Variants in MYOCOS observed in about 807,000 individuals in gnomAD.
MYOCOS encodes the protein myocilin opposite strand, also known as myocilin opposite strand protein.
At chr1:171,612,216 T>C (rs1343246681) in intron 1 of MYOCOS, among the ~76,000 whole-genome samples, 1 of 151,988 alleles carries the variant, frequency 6.6e-6, no homozygotes, top group Non-Finnish European at 1.5e-5. Flanking sequence ...GTAGCTGGGG[T>C]TACAGGCATC....
In MYOCOS at chr1:171,626,548, A is replaced by G. The variant is rs898853872; in HGVS notation, c.190A>G (p.Thr64Ala). 5.0e-6 allele frequency: 2 copies of G among 398,326 alleles called. No individual in the cohort carries two copies. Among genetic ancestry groups the G allele is most frequent in the Non-Finnish European group, 8.9e-6 (2 of 225,886 alleles). The allele number at this position is 398,326 out of a possible 1,614,324, so 24.7% of individuals were successfully genotyped here. A position where few individuals can be genotyped will look rare whatever the true frequency, so the allele number is the denominator to read the frequency against. Reference protein sequence around the residue: ...QAPPPHRTYLTVPPAPPPSPA... With the variant: ...QAPPPHRTYLAVPPAPPPSPA... The stretch of plus-strand genomic sequence containing the variant: ...CCCTCCCCCTCACAGGACCTACCTC[A>G]CAGTACCTCCTGCCCCACCTCCTTC... Residue 64 changes from threonine to alanine, a missense_variant, in exon 3 of 3, where the codon ACA (threonine) becomes GCA (alanine). Coordinates refer to ENST00000637642, the MANE Select transcript of MYOCOS (RefSeq NM_001391940.1).
chr1:171,621,031 G>A (rs983059275), upstream of MYOCOS, among the ~76,000 whole-genome samples: 5 of 151,964 alleles, frequency 3.3e-5, no homozygotes, highest in African/African-American at 1.2e-4. Flanking sequence ...GCCTCCCAAA[G>A]TGCTGGGATT....
intron 1 of MYOCOS, 120 bp from the exon 2 acceptor site, chr1:171,623,721 G>A (rs1652620769): frequency 3.5e-5 from 14 of 396,406 alleles, no homozygotes; most frequent in Non-Finnish European, 6.2e-5. Flanking sequence ...CAGGCTGTAG[G>A]GAGGACCAAC....
chr1:171,611,453 G>T (rs1540328), intron 1 of MYOCOS, among the ~76,000 whole-genome samples: 2 of 151,892 alleles, frequency 1.3e-5, no homozygotes, highest in African/African-American at 4.8e-5. Flanking sequence ...ATTTCAAGTA[G>T]TTCTATTACT....
intron 1 of MYOCOS, among the ~76,000 whole-genome samples, chr1:171,606,808 G>A (rs555464173): frequency 6.6e-6 from 1 of 152,170 alleles, no homozygotes; most frequent in East Asian, 1.9e-4. Context: ...GGTTTTCTCT[G>A]CGGCTTGTCC....
intron 1 of MYOCOS, among the ~76,000 whole-genome samples, chr1:171,605,118 C>T (rs981318111): frequency 2.0e-5 from 3 of 151,428 alleles, no homozygotes; most frequent in South Asian, 4.2e-4. Flanking sequence ...GAGCATGTAG[C>T]CCAGTCTCTA....
At chr1:171,616,817 G>A (rs1652457943) in intron 2 of MYOCOS, among the ~76,000 whole-genome samples, 1 of 152,190 alleles carries the variant, frequency 6.6e-6, no homozygotes, top group Non-Finnish European at 1.5e-5. Flanking sequence ...TAAACATCCA[G>A]AGCGACTCAG....
At chr1:171,620,773 C>CTT (rs34455235), upstream of MYOCOS, among the ~76,000 whole-genome samples, 46,276 of 126,992 alleles carry the variant, frequency 0.36, 9,080 homozygotes, top group South Asian at 0.42. Context: ...CTTTTTCTTT[C>CTT]TTTTTTTTTT....
intron 1 of MYOCOS, among the ~76,000 whole-genome samples, chr1:171,623,085 T>G (rs1198677070): frequency 6.6e-6 from 1 of 151,948 alleles, no homozygotes; most frequent in Non-Finnish European, 1.5e-5. Flanking sequence ...AAAAATTAGC[T>G]GGGCATGGTG....
At chr1:171,621,108 G>A (rs1652558099), upstream of MYOCOS, among the ~76,000 whole-genome samples, 1 of 151,996 alleles carries the variant, frequency 6.6e-6, no homozygotes, top group African/African-American at 2.4e-5. Context: ...GATGTCTCAT[G>A]CCTCTCTAAA....
chr1:171,623,127 G>A (rs979276680), intron 1 of MYOCOS, among the ~76,000 whole-genome samples: 1 of 152,090 alleles, frequency 6.6e-6, no homozygotes, highest in Non-Finnish European at 1.5e-5. Flanking sequence ...TACTTGGGAG[G>A]CTGAGACTGC....
chr1:171,603,633 GA>G (rs1171303719), intron 1 of MYOCOS, among the ~76,000 whole-genome samples: 15 of 152,048 alleles, frequency 9.9e-5, no homozygotes, highest in African/African-American at 2.9e-4. Flanking sequence ...GAGTTAAAAA[GA>G]AAAACTCATG....
chr1:171,601,420 G>T (rs1652138643), intron 1 of MYOCOS, among the ~76,000 whole-genome samples: 1 of 151,948 alleles, frequency 6.6e-6, no homozygotes, highest in African/African-American at 2.4e-5. Flanking sequence ...GTGTGGGTGT[G>T]CCCTCTTTAC....
upstream of MYOCOS, among the ~76,000 whole-genome samples, chr1:171,620,773 C>CTTTTTTTTTTTT (rs34455235): frequency 2.1e-4 from 27 of 127,190 alleles, no homozygotes; most frequent in South Asian, 4.9e-4. Context: ...CTTTTTCTTT[C>CTTTTTTTTTTTT]TTTTTTTTTT....
At chr1:171,614,820 C>T (rs1039909470) in exon 2 of MYOCOS, 1 of 152,186 alleles carries the variant, frequency 6.6e-6, no homozygotes. Flanking sequence ...AGGAAGGCCT[C>T]GCTGTGCAGA....
At chr1:171,615,051 AG>A (rs1221513454) in intron 2 of MYOCOS, 2 of 152,316 alleles carry the variant, frequency 1.3e-5, no homozygotes, top group African/African-American at 4.8e-5. Flanking sequence ...GGTGGGGGGA[AG>A]AAGGCAGATT....
chr1:171,619,017 C>T (rs1238521846), upstream of MYOCOS, among the ~76,000 whole-genome samples: 1 of 152,128 alleles, frequency 6.6e-6, no homozygotes, highest in Non-Finnish European at 1.5e-5. Context: ...GCTTTTGGTG[C>T]CCCCAATTTG....
At chr1:171,607,845 T>C (rs1457244328) in intron 1 of MYOCOS, among the ~76,000 whole-genome samples, 4 of 152,220 alleles carry the variant, frequency 2.6e-5, no homozygotes, top group Non-Finnish European at 5.9e-5. Flanking sequence ...TCTATTCTCA[T>C]GCTGCTAATA....
intron 2 of MYOCOS, among the ~76,000 whole-genome samples, chr1:171,624,307 G>A (rs537556242): frequency 6.6e-6 from 1 of 152,126 alleles, no homozygotes; most frequent in African/African-American, 2.4e-5. Flanking sequence ...CTGTCACCTG[G>A]GCTGGAGTTC....
Sources: allele counts gnomAD v4.1 joint callset (sites outside exome capture counted in the v4.1 genomes callset), GRCh38; gene constraint gnomAD v4.1.1; transcripts MANE v1.5; gene names NCBI Gene and HGNC (gene_info 2026-07-23, HGNC 2026-07-21).